The following KIAA1549 variants were observed in gnomAD, a reference collection of about 807,000 sequenced individuals.
KIAA1549 encodes the protein KIAA1549, also known as UPF0606 protein KIAA1549.
KIAA1549 carries 70 observed loss-of-function variants against 156.4 expected under a neutral mutation model. The ratio of observed to expected loss-of-function variants is 0.45; its 90% CI spans 0.37 to 0.55. KIAA1549 has a LOEUF of 0.55. Among genes scored for constraint, KIAA1549 ranks in the 20% least tolerant of loss-of-function variants. KIAA1549 has a pLI of 0.00. For missense variants in KIAA1549, 2,428 were observed against 2,540.9 expected (o/e 0.96, Z 0.96); for synonymous variants, 1,103 against 1,066.4 (o/e 1.03, Z -0.67).
At chr7:138,956,582 G>A (rs767170879) in intron 1 of KIAA1549, among the ~76,000 whole-genome samples, 20 of 152,112 alleles carry the variant, frequency 1.3e-4, no homozygotes, top group South Asian at 4.2e-4. Flanking sequence ...AACCCCTTTC[G>A]CTTGGCTCTC....
chr7:138,955,805 G>A (rs1050290346), intron 1 of KIAA1549, among the ~76,000 whole-genome samples: 11 of 152,200 alleles, frequency 7.2e-5, no homozygotes, highest in African/African-American at 2.7e-4. Context: ...ACCTACAAAT[G>A]AGGACCATTT....
At position 138,916,619 on chromosome 7, in the gene KIAA1549, C is replaced by T. The variant is rs2150282; in HGVS notation, c.2878+129G>A. On this transcript the variant is annotated intron_variant, in intron 2 of 19. Coordinates refer to ENST00000422774, the MANE Select transcript of KIAA1549 (RefSeq NM_001164665.2). ...CTCGCAGGAGGTAAGCATAGGAGTA[C>T]TACCTGGGAGTTAACTGAGCCCAGC... 0.07 allele frequency: 99,543 copies of T among 1,429,286 alleles called. 3,949 individuals carry two copies. Among genetic ancestry groups the T allele is most frequent in the African/African-American group, 0.13 (8,975 of 69,762 alleles). 88.5% of individuals were successfully genotyped at this position (1,429,286 alleles called of 1,614,324 possible). A position where few individuals can be genotyped will look rare whatever the true frequency, so the allele number is the denominator to read the frequency against.
At chr7:138,968,313 C>G (rs569410783) in intron 1 of KIAA1549, among the ~76,000 whole-genome samples, 15 of 152,218 alleles carry the variant, frequency 9.9e-5, no homozygotes, top group South Asian at 4.2e-4. Context: ...TGTAACAAAC[C>G]TGCACGTCCT....
chr7:138,838,132 G>C lies in KIAA1549; in HGVS notation c.5627C>G (p.Ser1876Cys). The change falls in exon 20 of 20, where the codon TCT becomes TGT. Residue 1876 changes from serine to cysteine, a missense_variant. This residue lies in a region of KIAA1549 where 363 missense variants were observed against 354.0 expected (regional missense o/e 1.03). Coordinates refer to ENST00000422774, the MANE Select transcript of KIAA1549 (RefSeq NM_001164665.2). The part of the protein sequence containing the change: ...ATHMLGHQEY[S>C]SSPLFQVPRT... Reference sequence around the variant, plus strand: ...TGGCACCTGAAATAGCGGTGAAGAAGAATACTCTTGATGTCCGAGCATGTG... The same window carrying C: ...TGGCACCTGAAATAGCGGTGAAGAACAATACTCTTGATGTCCGAGCATGTG... 1.3e-6 allele frequency: 2 copies of C among 1,510,398 alleles called. No individual in the cohort carries two copies. Among genetic ancestry groups the C allele is most frequent in the Non-Finnish European group, 1.8e-6 (2 of 1,135,412 alleles). The allele number at this position is 1,510,398 out of a possible 1,614,324, so 93.6% of individuals were successfully genotyped here.
In KIAA1549 at chr7:138,949,090, T is replaced by A. The variant is rs76915603; in HGVS notation, c.188-29652A>T. 1.0e-3 allele frequency among the ~76,000 whole-genome samples: 154 copies of A among 152,314 alleles called. 2 individuals carry two copies. Among genetic ancestry groups the A allele is most frequent in the African/African-American group, 3.6e-3 (151 of 41,566 alleles). ...AGCTCTGTCATTTCTTACCTGCTTGTGTTTGCACTGTTAAAACTATCTCTA... is the reference window on the plus strand; with the variant it reads ...AGCTCTGTCATTTCTTACCTGCTTGAGTTTGCACTGTTAAAACTATCTCTA... On this transcript the variant is annotated intron_variant, in intron 1 of 19. Transcript: ENST00000422774.
rs906675032 is a variant in KIAA1549 at position 138,831,599 on chromosome 7, G to A, written c.*6307C>T. 2.2e-5 allele frequency: 5 copies of A among 228,326 alleles called. No homozygotes were observed. The highest frequency in any genetic ancestry group is 1.1e-4 in the African/African-American group (5 of 45,090). 14.1% of individuals were successfully genotyped at this position (228,326 alleles called of 1,614,324 possible). Reference sequence around the variant, plus strand: ...CGTATACCCATACTGAGATTTCAGTGCCTGTTTGAGGACCAGCAAACCATG... The same window carrying A: ...CGTATACCCATACTGAGATTTCAGTACCTGTTTGAGGACCAGCAAACCATG... On this transcript the variant is annotated 3_prime_UTR_variant, in exon 20 of 20. Coordinates refer to ENST00000422774, the MANE Select transcript of KIAA1549 (RefSeq NM_001164665.2).
At chr7:138,871,039 ACTCCCGACCTC>A in intron 13 of KIAA1549, 107 bp downstream of exon 13, 1 of 907,392 alleles carries the variant, frequency 1.1e-6, no homozygotes, top group South Asian at 1.6e-5. Context: ...CTGGTCTCAA[ACTCCCGACCTC>A]AGGCGATCTG....
In KIAA1549 at chr7:138,832,190, C is replaced by CTTTTTTTTTTTTTTTTT. The variant is rs1563039449; in HGVS notation, c.*5715_*5716insAAAAAAAAAAAAAAAAA. On this transcript the variant is annotated 3_prime_UTR_variant, in exon 20 of 20. Coordinates refer to ENST00000422774, the MANE Select transcript of KIAA1549 (RefSeq NM_001164665.2). The stretch of plus-strand genomic sequence containing the variant: ...TTCACCTCTGTCCCTTTTACCTATT[C>CTTTTTTTTTTTTTTTTT]CTTTTTTTTTTTTTTTTTTTTCCAG... 0.023 allele frequency: 3,828 copies of CTTTTTTTTTTTTTTTTT among 168,796 alleles called. 299 individuals carry two copies. Among genetic ancestry groups the CTTTTTTTTTTTTTTTTT allele is most frequent in the Non-Finnish European group, 0.03 (2,656 of 89,620 alleles). The allele number at this position is 168,796 out of a possible 1,614,324, so 10.5% of individuals were successfully genotyped here. A position where few individuals can be genotyped will look rare whatever the true frequency, so the allele number is the denominator to read the frequency against.
At chr7:138,948,470 C>T (rs1482954751) in intron 1 of KIAA1549, among the ~76,000 whole-genome samples, 1 of 152,132 alleles carries the variant, frequency 6.6e-6, no homozygotes, top group Non-Finnish European at 1.5e-5. Context: ...CCCGCCAACA[C>T]CTTGATTTTG....
intron 1 of KIAA1549, among the ~76,000 whole-genome samples, chr7:138,937,576 G>A (rs955703759): frequency 6.6e-6 from 1 of 152,180 alleles, no homozygotes; most frequent in Non-Finnish European, 1.5e-5. Flanking sequence ...ATGCTGTGAT[G>A]GACAGCAAGG....
In KIAA1549 at chr7:138,912,278, G is replaced by T; in HGVS notation, c.2967+94C>A. On this transcript the variant is annotated intron_variant, in intron 3 of 19. Transcript: ENST00000422774. ...CAAGAGGGAAGAGATGAAATAGAAT[G>T]ATTCCATGGCCATAATCACCTGCCT... The T allele has an allele frequency of 3.5e-6, 3 of 854,746 alleles. No individual in the cohort carries two copies. The South Asian group carries it at 4.1e-5, about 12-fold the overall frequency. The allele number at this position is 854,746 out of a possible 1,614,324, so 52.9% of individuals were successfully genotyped here. A position where few individuals can be genotyped will look rare whatever the true frequency, so the allele number is the denominator to read the frequency against.
At chr7:138,914,071 C>T (rs1812246432) in intron 2 of KIAA1549, among the ~76,000 whole-genome samples, 1 of 151,748 alleles carries the variant, frequency 6.6e-6, no homozygotes, top group Admixed American at 6.6e-5. Context: ...AAGAGCTAAA[C>T]TCGGGGGAAA....
At chr7:138,966,106 G>A (rs566744467) in intron 1 of KIAA1549, among the ~76,000 whole-genome samples, 3 of 152,040 alleles carry the variant, frequency 2.0e-5, no homozygotes, top group Non-Finnish European at 2.9e-5. Flanking sequence ...TCACTGTTAC[G>A]GGTTGAACTG....
intron 10 of KIAA1549, among the ~76,000 whole-genome samples, chr7:138,890,232 T>C (rs1401734199): frequency 6.6e-6 from 1 of 152,290 alleles, no homozygotes; most frequent in South Asian, 2.1e-4. Flanking sequence ...TGTGAACACG[T>C]GGGCCATAAA....
chr7:138,872,162 G>T (rs1301002909), intron 12 of KIAA1549, among the ~76,000 whole-genome samples: 4 of 151,960 alleles, frequency 2.6e-5, no homozygotes, highest in Non-Finnish European at 5.9e-5. Flanking sequence ...GTCCAAGTTG[G>T]TCTTGAACTC....
chr7:138,888,560 G>C (rs1436633227), intron 10 of KIAA1549, among the ~76,000 whole-genome samples: 11 of 152,170 alleles, frequency 7.2e-5, no homozygotes, highest in Non-Finnish European at 4.4e-5. Flanking sequence ...AATCATCTAT[G>C]TGTCTTTTCT....
rs777124852 is a variant in KIAA1549, at chr7:138,861,420, A to G, written c.4966T>C (p.Ser1656Pro). 3 of 1,612,476 alleles carry G rather than the reference A, an allele frequency of 1.9e-6. No homozygotes were observed. The highest frequency in any genetic ancestry group is 2.2e-5 in the South Asian group (2 of 90,728). The change falls in exon 16 of 20, where the codon TCC becomes CCC. Residue 1656 changes from serine to proline, a missense_variant. Ser to Pro is a moderately conservative substitution (Grantham distance 74). This residue lies in a region of KIAA1549 where 404 missense variants were observed against 417.0 expected (regional missense o/e 0.97). Coordinates refer to ENST00000422774, the MANE Select transcript of KIAA1549 (RefSeq NM_001164665.2). The part of the protein sequence containing the change: ...PDLPADVQTP[S>P]SVELGRYPAL... ...GGATACCTCCCCAGTTCCACCGAGG[A>G]TGGTGTCTGCACATCGGCTGGGAGG...
intron 1 of KIAA1549, among the ~76,000 whole-genome samples, chr7:138,979,866 A>AG (rs1324330287): frequency 1.3e-5 from 2 of 152,100 alleles, no homozygotes; most frequent in African/African-American, 2.4e-5. Context: ...CGGGGGTGGG[A>AG]GGCAGGGAAA....
Position 138,844,316 on chromosome 7 carries a change from C to A in KIAA1549, c.5452+1G>T. 2 of 1,613,942 alleles carry A rather than the reference C, an allele frequency of 1.2e-6. No individual in the cohort carries two copies. Among genetic ancestry groups the A allele is most frequent in the Non-Finnish European group, 1.7e-6 (2 of 1,179,882 alleles). On this transcript the variant is annotated splice_donor_variant, in intron 18 of 19. Transcript: ENST00000422774. LOFTEE classifies it high-confidence loss of function. ...AATGGAAGCTAAACAGCCACATATA[C>A]CTGTGGTACCCCCGACAGGCCGAGG...
Sources: allele counts gnomAD v4.1 joint callset (sites outside exome capture counted in the v4.1 genomes callset), GRCh38; gene constraint gnomAD v4.1.1; regional missense constraint gnomAD v4.1.1; transcripts MANE v1.5; gene names NCBI Gene and HGNC (gene_info 2026-07-23, HGNC 2026-07-21).